The following ERICH1 variants were observed in gnomAD, a reference collection of about 807,000 sequenced individuals.
ERICH1 encodes glutamate-rich protein 1.
Under a neutral mutation model 39.6 loss-of-function variants are expected in ERICH1, and 56 were observed. The observed-to-expected ratio is 1.41, with a 90% CI of 1.14 to 1.77. The LOEUF is 1.77. ERICH1 is among the 40% of genes most tolerant of loss of function. The pLI is 0.00. For synonymous variants in ERICH1, 313 were observed against 223.6 expected (o/e 1.40, Z -3.57); for missense variants, 826 against 575.4 (o/e 1.44, Z -4.45).
In ERICH1 at chr8:645,351, C is replaced by G. The variant is rs1181044412; in HGVS notation, c.976+23247G>C. Among the ~76,000 whole-genome samples, 7 of 69,592 alleles carry G rather than the reference C, an allele frequency of 1.0e-4. 3 individuals carry two copies. The highest frequency in any genetic ancestry group is 2.5e-4 in the African/African-American group (7 of 27,670). The allele number at this position is 69,592 out of a possible 152,430, so 45.7% of individuals were successfully genotyped here. ...GTCGTTGAAAAAACTTTCAATCTAA[C>G]TTTCCCCCGAAATGATACAAGCAGG... On this transcript the variant is annotated intron_variant, in intron 3 of 3. Transcript: ENST00000522706.
intron 3 of ERICH1, among the ~76,000 whole-genome samples, chr8:629,955 C>T (rs1797877946): frequency 7.5e-6 from 1 of 133,474 alleles, no homozygotes; most frequent in African/African-American, 3.0e-5. Context: ...TGACTCACAC[C>T]CTCCTGTGAC....
intron 3 of ERICH1, among the ~76,000 whole-genome samples, chr8:629,271 C>T (rs2117086775): frequency 6.6e-6 from 1 of 152,066 alleles, no homozygotes; most frequent in African/African-American, 2.4e-5. Flanking sequence ...ACACAGATGA[C>T]CAACTACATG....
chr8:657,138 A>C (rs1800761402), intron 3 of ERICH1, among the ~76,000 whole-genome samples: 1 of 152,228 alleles, frequency 6.6e-6, no homozygotes. Context: ...CTGTAACAAT[A>C]ATGGTGATAG....
chr8:710,168 T>A (rs1401261197), intron 2 of ERICH1, among the ~76,000 whole-genome samples: 3 of 152,162 alleles, frequency 2.0e-5, no homozygotes, highest in South Asian at 2.1e-4. Flanking sequence ...CGGTTCACTC[T>A]CGTACATCCT....
At chr8:640,756 G>C (rs575654541) in intron 3 of ERICH1, 2 of 152,322 alleles carry the variant, frequency 1.3e-5, no homozygotes, top group South Asian at 4.2e-4. Flanking sequence ...CTTGGGGATG[G>C]ACCTGGAATA....
intron 3 of ERICH1, among the ~76,000 whole-genome samples, chr8:630,617 CACAG>C (rs768367152): frequency 2.5e-5 from 3 of 118,052 alleles, no homozygotes; most frequent in Non-Finnish European, 3.6e-5. Context: ...TGAGCACCCA[CACAG>C]ACAGAGCTGA....
chr8:655,399 G>A lies in ERICH1; in HGVS notation c.976+13199C>T, dbSNP rs183312296. On this transcript the variant is annotated intron_variant, in intron 3 of 3. Transcript: ENST00000522706. ...GCACACCCAGGAGCGTATGTAATAG[G>A]AGTCTCACTCGTTTTTGTTTGCCCG... Among the ~76,000 whole-genome samples the A allele has an allele frequency of 6.5e-3, 990 of 152,296 alleles. 7 individuals carry two copies. Among genetic ancestry groups the A allele is most frequent in the African/African-American group, 0.023 (939 of 41,554 alleles).
At chr8:626,954 C>A (rs1043527355) in intron 3 of ERICH1, 3 of 367,782 alleles carry the variant, frequency 8.2e-6, no homozygotes, top group Non-Finnish European at 1.7e-5. Context: ...GGAACCCCAA[C>A]CCGAGCTGTG....
chr8:708,531 TG>T (rs1813826039), intron 2 of ERICH1, among the ~76,000 whole-genome samples: 1 of 151,994 alleles, frequency 6.6e-6, no homozygotes, highest in African/African-American at 2.4e-5. Flanking sequence ...TTATGCTACA[TG>T]AAAAAACCCA....
chr8:692,817 CAAG>C, intron 2 of ERICH1, among the ~76,000 whole-genome samples: 1 of 152,196 alleles, frequency 6.6e-6, no homozygotes, highest in East Asian at 1.9e-4. Flanking sequence ...CACACCCAGC[CAAG>C]AAAAAGGAAC....
intron 2 of ERICH1, among the ~76,000 whole-genome samples, chr8:704,473 T>C (rs915133664): frequency 6.6e-6 from 1 of 152,030 alleles, no homozygotes; most frequent in African/African-American, 2.4e-5. Flanking sequence ...TAGAAGAAAA[T>C]GTAAAAATCC....
At chr8:723,991 A>G (rs932867374) in intron 1 of ERICH1, among the ~76,000 whole-genome samples, 1 of 152,238 alleles carries the variant, frequency 6.6e-6, no homozygotes, top group African/African-American at 2.4e-5. Context: ...AGAATGACAA[A>G]TGGAAAAATA....
At chr8:661,637 G>A (rs1334674523), downstream of ERICH1, among the ~76,000 whole-genome samples, 2 of 152,202 alleles carry the variant, frequency 1.3e-5, no homozygotes, top group African/African-American at 4.8e-5. Flanking sequence ...TTCAAACACA[G>A]TGGAATAAAC....
chr8:729,740 C>A (rs949969632), intron 1 of ERICH1, among the ~76,000 whole-genome samples: 2 of 152,086 alleles, frequency 1.3e-5, no homozygotes, highest in African/African-American at 4.8e-5. Context: ...AAGGCTGTTT[C>A]GAGGGAAGGT....
chr8:711,615 A>G (rs1238686787), intron 2 of ERICH1, among the ~76,000 whole-genome samples: 1 of 151,622 alleles, frequency 6.6e-6, no homozygotes, highest in Non-Finnish European at 1.5e-5. Flanking sequence ...CTTCTGCCTC[A>G]GCCTACCGAG....
rs1308697058 is a variant in ERICH1, at chr8:673,808, T to C, written c.544A>G (p.Lys182Glu). 6.2e-7 allele frequency: 1 copy of C among 1,614,224 alleles called. No individual in the cohort carries two copies. The highest frequency in any genetic ancestry group is 8.5e-7 in the Non-Finnish European group (1 of 1,180,050). ...KRKKAAGLAA[K>E]AAGVSFMYQP... The stretch of plus-strand genomic sequence containing the variant: ...TACATGAAACTGACACCAGCAGCCT[T>C]TGCTGCCAAGCCGGCTGCTTTCTTC... Residue 182 changes from lysine (K) to glutamate (E), a missense_variant, in exon 4 of 6, where the codon AAG becomes GAG. Coordinates refer to ENST00000262109, the MANE Select transcript of ERICH1 (RefSeq NM_207332.3).
At chr8:718,934 T>G (rs1816663661) in intron 1 of ERICH1, among the ~76,000 whole-genome samples, 1 of 151,920 alleles carries the variant, frequency 6.6e-6, no homozygotes, top group Admixed American at 6.6e-5. Flanking sequence ...TACCCTGGTG[T>G]GTTGTGCATT....
intron 3 of ERICH1, among the ~76,000 whole-genome samples, chr8:689,105 C>G (rs537230647): frequency 1.4e-5 from 2 of 143,816 alleles, no homozygotes; most frequent in Non-Finnish European, 3.0e-5. Flanking sequence ...GAAGAGCTCA[C>G]GTATGATCTT....
intron 3 of ERICH1, among the ~76,000 whole-genome samples, chr8:653,134 A>G (rs1408643936): frequency 6.6e-6 from 1 of 152,248 alleles, no homozygotes; most frequent in African/African-American, 2.4e-5. Flanking sequence ...CTGGAACTCA[A>G]CAGGTGCTTG....
Sources: allele counts gnomAD v4.1 joint callset (sites outside exome capture counted in the v4.1 genomes callset), GRCh38; gene constraint gnomAD v4.1.1; transcripts MANE v1.5; gene names NCBI Gene and HGNC (gene_info 2026-07-23, HGNC 2026-07-21).